The following STRN variants were observed in gnomAD, a reference collection of about 807,000 sequenced individuals.
STRN encodes the protein protein phosphatase 2 regulatory subunit B'''alpha.
Under a neutral mutation model 96.3 loss-of-function variants are expected in STRN, and 53 were observed. That is an observed-to-expected ratio of 0.55 (90% CI 0.44 to 0.69). The LOEUF is 0.69. Ranked by LOEUF, STRN falls within the 30% of genes least tolerant of loss-of-function variation. The pLI, the probability that STRN is intolerant of heterozygous loss-of-function variation, is 0.00. For missense variants in STRN, 987 were observed against 963.9 expected (o/e 1.02, Z -0.32); for synonymous variants, 428 against 355.9 (o/e 1.20, Z -2.28).
chr2:36,847,923 C>A lies in STRN; in HGVS notation c.*1533G>T, dbSNP rs1189003307. On this transcript the variant is annotated 3_prime_UTR_variant, in exon 18 of 18. Transcript: ENST00000263918. The stretch of plus-strand genomic sequence containing the variant: ...TTTAATATTTTTAAAATCTAAGAGC[C>A]TATTTATATGTTTTTTGGTGGAAAG... 3 of 152,040 alleles carry A rather than the reference C, an allele frequency of 2.0e-5. No homozygotes were observed. Among genetic ancestry groups the A allele is most frequent in the Non-Finnish European group, 4.4e-5 (3 of 68,004 alleles). 9.4% of individuals were successfully genotyped at this position (152,040 alleles called of 1,614,324 possible).
intron 13 of STRN, 31 bp downstream of exon 13, chr2:36,861,101 T>C (rs2148137239): frequency 6.2e-7 from 1 of 1,604,446 alleles, no homozygotes; most frequent in African/African-American, 1.3e-5. Flanking sequence ...AAACCAATTT[T>C]ATTCCTTCAG....
chr2:36,914,709 T>G (rs903071220), intron 3 of STRN, among the ~76,000 whole-genome samples: 1 of 152,138 alleles, frequency 6.6e-6, no homozygotes, highest in Non-Finnish European at 1.5e-5. Context: ...AGAAGCAACA[T>G]GGTAAAATGG....
chr2:36,865,351 T>C (rs1668594033), intron 12 of STRN, among the ~76,000 whole-genome samples: 1 of 152,202 alleles, frequency 6.6e-6, no homozygotes, highest in Non-Finnish European at 1.5e-5. Flanking sequence ...TTGTGTTTAT[T>C]TGGATCTTCT....
rs970382446 is a variant in STRN at position 36,867,374 on chromosome 2, C to CAA, written c.1547+438_1547+439dup. The CAA allele has an allele frequency of 6.7e-3, 917 of 137,420 alleles. 6 individuals carry two copies. Among genetic ancestry groups the CAA allele is most frequent in the African/African-American group, 0.022 (817 of 37,248 alleles). The allele number at this position is 137,420 out of a possible 1,614,324, so 8.5% of individuals were successfully genotyped here. A position where few individuals can be genotyped will look rare whatever the true frequency, so the allele number is the denominator to read the frequency against. ...TGGGCAACAGCGTGAGACCCCGTCT[C>CAA]AAAAAAAAAAAGAAAAGAAAAAGAA... On this transcript the variant is annotated intron_variant, in intron 12 of 17. Transcript: ENST00000263918.
rs139407229 is a variant in STRN at position 36,869,632 on chromosome 2, A to G, written c.1421T>C (p.Ile474Thr). The G allele has an allele frequency of 8.1e-6, 13 of 1,613,038 alleles. No individual in the cohort carries two copies. In the African/African-American group the frequency reaches 1.7e-4, roughly 22 times the overall value. Reference sequence around the variant, plus strand: ...TGATGCTGTTATCAAAACAGGCTCAATGGGATGGAAAGCAAGGGCTCGGAT... The same window carrying G: ...TGATGCTGTTATCAAAACAGGCTCAGTGGGATGGAAAGCAAGGGCTCGGAT... ...DGIRALAFHP[I>T]EPVLITASED... Residue 474 changes from isoleucine (I) to threonine (T), a missense_variant, in exon 11 of 18, where the codon ATT (isoleucine) becomes ACT (threonine). Coordinates refer to ENST00000263918, the MANE Select transcript of STRN (RefSeq NM_003162.4).
intron 7 of STRN, among the ~76,000 whole-genome samples, chr2:36,887,882 A>C (rs1422342683): frequency 6.6e-6 from 1 of 152,226 alleles, no homozygotes; most frequent in Non-Finnish European, 1.5e-5. Flanking sequence ...ATACTATATA[A>C]TGCTATGTAA....
chr2:36,902,516 T>C, intron 5 of STRN, 68 bp downstream of exon 5: 1 of 1,318,582 alleles, frequency 7.6e-7, no homozygotes, highest in Non-Finnish European at 1.0e-6. Flanking sequence ...ACAAGTAATG[T>C]CCATAAAACC....
At chr2:36,864,425 GT>G (rs959660696) in intron 12 of STRN, among the ~76,000 whole-genome samples, 3 of 152,124 alleles carry the variant, frequency 2.0e-5, no homozygotes, top group Non-Finnish European at 2.9e-5. Flanking sequence ...TGTGATTTTT[GT>G]TTTCAGTTCT....
At chr2:36,944,076 C>T (rs894765164) in intron 1 of STRN, among the ~76,000 whole-genome samples, 2 of 152,056 alleles carry the variant, frequency 1.3e-5, no homozygotes, top group African/African-American at 2.4e-5. Flanking sequence ...GCCAAGATCT[C>T]GCCATTGCAC....
At chr2:36,877,430 G>C (rs751871328) in intron 10 of STRN, among the ~76,000 whole-genome samples, 12 of 152,212 alleles carry the variant, frequency 7.9e-5, no homozygotes, top group Non-Finnish European at 1.2e-4. Flanking sequence ...AAAAATGTTA[G>C]TTTTTCTTTA....
At chr2:36,896,062 C>A (rs1339455038) in intron 6 of STRN, among the ~76,000 whole-genome samples, 2 of 152,188 alleles carry the variant, frequency 1.3e-5, no homozygotes, top group Non-Finnish European at 2.9e-5. Context: ...CTTCTAGACT[C>A]TGATGAGTTG....
chr2:36,917,069 T>TAAA (rs989265988), intron 2 of STRN, among the ~76,000 whole-genome samples: 3 of 132,536 alleles, frequency 2.3e-5, no homozygotes, highest in African/African-American at 8.5e-5. Flanking sequence ...TAAAAATAAA[T>TAAA]AAAAAAAAAA....
rs1263140057 is a variant in STRN at position 36,845,098 on chromosome 2, ATAAAG to A, written c.*4353_*4357del. The A allele has an allele frequency of 4.6e-5, 7 of 152,290 alleles. No individual in the cohort carries two copies. In the East Asian group the frequency reaches 1.3e-3, roughly 29 times the overall value. 9.4% of individuals were successfully genotyped at this position (152,290 alleles called of 1,614,324 possible). A position where few individuals can be genotyped will look rare whatever the true frequency, so the allele number is the denominator to read the frequency against. On this transcript the variant is annotated 3_prime_UTR_variant, in exon 18 of 18. Coordinates refer to ENST00000263918, the MANE Select transcript of STRN (RefSeq NM_003162.4). Reference sequence around the variant, plus strand: ...ATAGCCTTGTAGTCACTTTCAAAGAATAAAGTAATCTAAATAAAATTATACTTAGC... The same window carrying A: ...ATAGCCTTGTAGTCACTTTCAAAGAATAATCTAAATAAAATTATACTTAGC...
chr2:36,934,254 G>C (rs1670647240), intron 1 of STRN, among the ~76,000 whole-genome samples: 1 of 152,156 alleles, frequency 6.6e-6, no homozygotes, highest in Admixed American at 6.6e-5. Context: ...TCAAAAATCA[G>C]TGAACTAATT....
chr2:36,841,832 C>G lies in STRN; in HGVS notation c.*7624G>C, dbSNP rs763713440. ...TAATTTAGATAACAAGGACCAATGA[C>G]AAGCCAGAATTGGAACCATTCATTC... On this transcript the variant is annotated 3_prime_UTR_variant, in exon 18 of 18. Coordinates refer to ENST00000263918, the MANE Select transcript of STRN (RefSeq NM_003162.4). 14 of 152,172 alleles carry G rather than the reference C, an allele frequency of 9.2e-5. No homozygotes were observed. Among genetic ancestry groups the G allele is most frequent in the Admixed American group, 3.3e-4 (5 of 15,274 alleles). The allele number at this position is 152,172 out of a possible 1,614,324, so 9.4% of individuals were successfully genotyped here.
chr2:36,897,123 C>A (rs2148192730), intron 6 of STRN, among the ~76,000 whole-genome samples: 1 of 151,652 alleles, frequency 6.6e-6, no homozygotes, highest in South Asian at 2.1e-4. Flanking sequence ...GCTGAGATTA[C>A]ACCACTGCAC....
rs570309987 is a variant in STRN at position 36,866,875 on chromosome 2, G to C, written c.1547+939C>G. Among the ~76,000 whole-genome samples, 3 of 152,198 alleles carry C rather than the reference G, an allele frequency of 2.0e-5. No homozygotes were observed. The East Asian group carries it at 5.8e-4, about 29-fold the overall frequency. Reference sequence around the variant, plus strand: ...GCTTTTTTCTGTTTTCCATTTGCTTGGTTGATTGTTCTTCATCCCTTTTCT... The same window carrying C: ...GCTTTTTTCTGTTTTCCATTTGCTTCGTTGATTGTTCTTCATCCCTTTTCT... On this transcript the variant is annotated intron_variant, in intron 12 of 17. Coordinates refer to ENST00000263918, the MANE Select transcript of STRN (RefSeq NM_003162.4).
chr2:36,941,816 G>T (rs1670852711), intron 1 of STRN, among the ~76,000 whole-genome samples: 1 of 151,516 alleles, frequency 6.6e-6, no homozygotes, highest in Non-Finnish European at 1.5e-5. Context: ...GCCTCCCAAA[G>T]TGCTGGGATT....
At chr2:36,897,548 G>C (rs1669576189) in intron 6 of STRN, among the ~76,000 whole-genome samples, 1 of 151,318 alleles carries the variant, frequency 6.6e-6, no homozygotes, top group Non-Finnish European at 1.5e-5. Flanking sequence ...CCATTCTCCT[G>C]CCTCAGCCTC....
Sources: allele counts gnomAD v4.1 joint callset (sites outside exome capture counted in the v4.1 genomes callset), GRCh38; gene constraint gnomAD v4.1.1; transcripts MANE v1.5; gene names NCBI Gene and HGNC (gene_info 2026-07-23, HGNC 2026-07-21).